The following RBBP5 variants were observed in gnomAD, a reference collection of about 807,000 sequenced individuals.
The protein encoded by RBBP5 is retinoblastoma-binding protein 5.
RBBP5 carries 5 observed loss-of-function variants against 72.2 expected under a neutral mutation model. The observed-to-expected ratio is 0.07, with a 90% CI of 0.04 to 0.15. The LOEUF (loss-of-function observed/expected upper bound fraction) is 0.15. Ranked by LOEUF, RBBP5 falls within the 10% of genes least tolerant of loss-of-function variation. RBBP5 has a pLI of 1.00. For missense variants in RBBP5, 322 were observed against 652.2 expected (o/e 0.49, Z 5.51); for synonymous variants, 209 against 237.2 (o/e 0.88, Z 1.09).
intron 1 of RBBP5, among the ~76,000 whole-genome samples, chr1:205,118,453 TA>T (rs78481989): frequency 2.7e-5 from 4 of 147,642 alleles, no homozygotes; most frequent in Admixed American, 6.8e-5. Flanking sequence ...CTACTAAAAA[TA>T]AAAAAAAAAT....
intron 1 of RBBP5, 165 bp from the exon 2 acceptor site, chr1:205,116,048 A>C: frequency 7.1e-7 from 1 of 1,399,588 alleles, no homozygotes; most frequent in South Asian, 1.2e-5. Context: ...TGCTAAGATG[A>C]CTTGTTTACT....
Position 205,099,133 on chromosome 1 carries a change from C to T in RBBP5, c.979-27G>A, listed in dbSNP as rs1262726615. On this transcript the variant is annotated intron_variant, in intron 9 of 13. Transcript: ENST00000264515. The surrounding 1 kb of genome is among the most constrained non-coding windows in gnomAD (Gnocchi z 4.7). ...TATACAACAAGATATACTACTTAAC[C>T]ATATGTGAAAGCAATAATCTGTAAT... 1 of 1,364,512 alleles carries T rather than the reference C, an allele frequency of 7.3e-7. No homozygotes were observed. Among genetic ancestry groups the T allele is most frequent in the Non-Finnish European group, 1.0e-6 (1 of 978,932 alleles). The allele number at this position is 1,364,512 out of a possible 1,614,324, so 84.5% of individuals were successfully genotyped here. A position where few individuals can be genotyped will look rare whatever the true frequency, so the allele number is the denominator to read the frequency against.
chr1:205,096,590 G>A (rs894003819), intron 12 of RBBP5, 92 bp downstream of exon 12: 31 of 1,198,990 alleles, frequency 2.6e-5, no homozygotes, highest in Non-Finnish European at 3.3e-5. Flanking sequence ...CCTCTAAGGT[G>A]AAATCGCTCA....
At chr1:205,106,208 C>T (rs988331190) in intron 3 of RBBP5, among the ~76,000 whole-genome samples, 1 of 152,216 alleles carries the variant, frequency 6.6e-6, no homozygotes, top group African/African-American at 2.4e-5. Flanking sequence ...TAAGAAGAAA[C>T]CTGGACTTTC....
chr1:205,119,328 G>A lies in RBBP5; in HGVS notation c.19+2527C>T, dbSNP rs1034397155. Among the ~76,000 whole-genome samples, 8 of 152,066 alleles carry A rather than the reference G, an allele frequency of 5.3e-5. No homozygotes were observed. In the East Asian group the frequency reaches 5.8e-4, roughly 11 times the overall value. On this transcript the variant is annotated intron_variant, in intron 1 of 13. Coordinates refer to ENST00000264515, the MANE Select transcript of RBBP5 (RefSeq NM_005057.4). Reference sequence around the variant, plus strand: ...GGAGAATCGGTTGAACTTGGGAAGCGCAAGTTGCTGTCAGCCGAGATTGTG... The same window carrying A: ...GGAGAATCGGTTGAACTTGGGAAGCACAAGTTGCTGTCAGCCGAGATTGTG...
chr1:205,117,152 A>G (rs1574720963), intron 1 of RBBP5, among the ~76,000 whole-genome samples: 1 of 152,096 alleles, frequency 6.6e-6, no homozygotes, highest in East Asian at 2.0e-4. Context: ...CCCAAGTTCA[A>G]GCGCTTCTCC....
intron 13 of RBBP5, among the ~76,000 whole-genome samples, chr1:205,090,369 T>C (rs16855083): frequency 0.01 from 1,596 of 152,330 alleles, 24 homozygotes; most frequent in African/African-American, 0.036. Flanking sequence ...GCATTAGTAA[T>C]AGGCACTCAA....
In RBBP5 at chr1:205,099,624, T is replaced by C. The variant is rs80168480; in HGVS notation, c.978+117A>G. ...ATGCACTGAACCTATGTAATTTAGGTTGCGAGAATCATATGCAAAAGAAAA... is the reference window on the plus strand; with the variant it reads ...ATGCACTGAACCTATGTAATTTAGGCTGCGAGAATCATATGCAAAAGAAAA... On this transcript the variant is annotated intron_variant, in intron 9 of 13. Transcript: ENST00000264515. This position sits in a 1 kb window ranked among gnomAD's most constrained non-coding sequence, Gnocchi z 4.7. 2.7e-6 allele frequency: 3 copies of C among 1,100,748 alleles called. No individual in the cohort carries two copies. In the East Asian group the frequency reaches 7.2e-5, roughly 26 times the overall value. The allele number at this position is 1,100,748 out of a possible 1,614,324, so 68.2% of individuals were successfully genotyped here.
chr1:205,099,735 A>G lies in RBBP5; in HGVS notation c.978+6T>C, dbSNP rs1655750260. On this transcript the variant is annotated splice_donor_region_variant and intron_variant, in intron 9 of 13. Coordinates refer to ENST00000264515, the MANE Select transcript of RBBP5 (RefSeq NM_005057.4). This position sits in a 1 kb window ranked among gnomAD's most constrained non-coding sequence, Gnocchi z 4.7. ...AGTTTCGAAGCAAGTAAAATAGAAT[A>G]CTTACTACTTGATTCTGTGCCCAGA... 2 of 1,602,940 alleles carry G rather than the reference A, an allele frequency of 1.2e-6. No individual in the cohort carries two copies. Among genetic ancestry groups the G allele is most frequent in the Non-Finnish European group, 1.7e-6 (2 of 1,169,958 alleles).
chr1:205,106,320 C>T (rs913488103), intron 3 of RBBP5, among the ~76,000 whole-genome samples: 4 of 152,266 alleles, frequency 2.6e-5, no homozygotes, highest in Non-Finnish European at 2.9e-5. Flanking sequence ...ATAGGACGGG[C>T]GCAATGGCTC....
At chr1:205,120,061 C>T (rs1280233961) in intron 1 of RBBP5, among the ~76,000 whole-genome samples, 2 of 152,136 alleles carry the variant, frequency 1.3e-5, no homozygotes, top group Non-Finnish European at 2.9e-5. Context: ...ATTATTTGCT[C>T]TCACCATTTT....
intron 10 of RBBP5, among the ~76,000 whole-genome samples, chr1:205,098,219 T>G (rs2102276299): frequency 6.6e-6 from 1 of 152,328 alleles, no homozygotes; most frequent in East Asian, 1.9e-4. Flanking sequence ...GTCCCTATTT[T>G]ACAGATGAGG....
rs1656749772 is a variant in RBBP5 at position 205,121,861 on chromosome 1, A to T, written c.13T>A (p.Leu5Met). 1 of 1,611,680 alleles carries T rather than the reference A, an allele frequency of 6.2e-7. No individual in the cohort carries two copies. The change falls in exon 1 of 14, where the codon TTG (leucine) becomes ATG (methionine). Residue 5 changes from leucine to methionine, a missense_variant. This residue lies in a region of RBBP5 where 20 missense variants were observed against 43.6 expected (regional missense o/e 0.46). Coordinates refer to ENST00000264515, the MANE Select transcript of RBBP5 (RefSeq NM_005057.4). Reference protein sequence around the residue: MNLELLESFGQNYPE... With the variant: MNLEMLESFGQNYPE... ...CAGCCACAGCCCTTCTCACCCAGCA[A>T]CTCGAGGTTCATCCCTGCGGACTGT... is the stretch of plus-strand genomic sequence containing the variant.
rs1206537516 is a variant in RBBP5 at position 205,086,841 on chromosome 1, C to T, written c.*1946G>A. ...CACACGTGGAAAGATGGCAGAAACCCTCTAAGTCCCATAGTTTGCACACTG... is the reference window on the plus strand; with the variant it reads ...CACACGTGGAAAGATGGCAGAAACCTTCTAAGTCCCATAGTTTGCACACTG... On this transcript the variant is annotated 3_prime_UTR_variant, in exon 14 of 14. Coordinates refer to ENST00000264515, the MANE Select transcript of RBBP5 (RefSeq NM_005057.4). 1 of 152,186 alleles carries T rather than the reference C, an allele frequency of 6.6e-6. No homozygotes were observed. The highest frequency in any genetic ancestry group is 1.5e-5 in the Non-Finnish European group (1 of 68,094). The allele number at this position is 152,186 out of a possible 1,614,324, so 9.4% of individuals were successfully genotyped here.
intron 1 of RBBP5, among the ~76,000 whole-genome samples, chr1:205,116,682 T>C (rs1656536679): frequency 4.6e-5 from 7 of 152,060 alleles, no homozygotes. Context: ...GGTGTGGTGG[T>C]GTGCACCTGT....
intron 1 of RBBP5, among the ~76,000 whole-genome samples, chr1:205,119,372 G>C (rs1417510361): frequency 1.3e-5 from 2 of 152,048 alleles, no homozygotes; most frequent in Admixed American, 1.3e-4. Flanking sequence ...CTCCAGCCTG[G>C]GCAACAGAGC....
chr1:205,104,319 T>C (rs1378761073), intron 4 of RBBP5, among the ~76,000 whole-genome samples: 2 of 147,888 alleles, frequency 1.4e-5, no homozygotes, highest in African/African-American at 5.0e-5. Flanking sequence ...GGTCAGGAGT[T>C]CGAGACCAGC....
chr1:205,115,904 A>G (rs1308785208), intron 1 of RBBP5, 21 bp from the exon 2 acceptor site: 10 of 1,613,596 alleles, frequency 6.2e-6, no homozygotes, highest in Admixed American at 1.7e-5. Flanking sequence ...GCAAAGAAAG[A>G]GTTGATGGCA....
chr1:205,099,193 T>C lies in RBBP5; in HGVS notation c.979-87A>G, dbSNP rs183281222. ...AATGATAAAATGAAAGATGTGAGCA[T>C]GAAAGGAATTCACAATTCTTAGATT... On this transcript the variant is annotated intron_variant, in intron 9 of 13. Coordinates refer to ENST00000264515, the MANE Select transcript of RBBP5 (RefSeq NM_005057.4). The surrounding 1 kb of genome is among the most constrained non-coding windows in gnomAD (Gnocchi z 4.7). 84 of 812,418 alleles carry C rather than the reference T, an allele frequency of 1.0e-4. 2 individuals carry two copies. In the Admixed American group the frequency reaches 1.9e-3, roughly 18 times the overall value. The allele number at this position is 812,418 out of a possible 1,614,324, so 50.3% of individuals were successfully genotyped here. A position where few individuals can be genotyped will look rare whatever the true frequency, so the allele number is the denominator to read the frequency against.
Sources: allele counts gnomAD v4.1 joint callset (sites outside exome capture counted in the v4.1 genomes callset), GRCh38; gene constraint gnomAD v4.1.1; regional missense constraint gnomAD v4.1.1; non-coding constraint Gnocchi (gnomAD v3.1); transcripts MANE v1.5; gene names NCBI Gene and HGNC (gene_info 2026-07-23, HGNC 2026-07-21).